Variants in STPG2 observed in about 807,000 individuals in gnomAD.
STPG2 encodes sperm tail PG-rich repeat containing 2, also known as sperm-tail PG-rich repeat-containing protein 2.
STPG2 carries 56 observed loss-of-function variants against 54.2 expected under a neutral mutation model. The observed-to-expected ratio is 1.03, with a 90% CI of 0.83 to 1.29. STPG2 has a LOEUF of 1.29. Among genes scored for constraint, STPG2 ranks in the 50% most tolerant of loss-of-function variants. The pLI, the probability that STPG2 is intolerant of heterozygous loss-of-function variation, is 0.00. For missense variants in STPG2, 596 were observed against 544.9 expected (o/e 1.09, Z -0.93); for synonymous variants, 200 against 181.8 (o/e 1.10, Z -0.81).
At chr4:97,793,427 A>G (rs1727069233) in intron 9 of STPG2, among the ~76,000 whole-genome samples, 1 of 151,818 alleles carries the variant, frequency 6.6e-6, no homozygotes, top group East Asian at 1.9e-4. Context: ...CATATAAATT[A>G]TTAAAGTTAC....
Position 97,565,080 on chromosome 4 carries a change from G to A in STPG2, c.1321-5963C>T, listed in dbSNP as rs1478107289. On this transcript the variant is annotated intron_variant, in intron 10 of 10. Transcript: ENST00000295268. ...TCACTTTCAGGTACACCAATCAGAC[G>A]TAGATTTGGTCTTTTCACATAGTCC... Among the ~76,000 whole-genome samples the A allele has an allele frequency of 5.9e-5, 9 of 152,090 alleles. No individual in the cohort carries two copies. In the South Asian group the frequency reaches 1.2e-3, roughly 21 times the overall value.
chr4:97,609,318 A>G (rs1733677318), intron 10 of STPG2, among the ~76,000 whole-genome samples: 1 of 152,006 alleles, frequency 6.6e-6, no homozygotes, highest in African/African-American at 2.4e-5. Flanking sequence ...TATGTGAAAT[A>G]GAAAGTTCCC....
chr4:97,595,888 A>G (rs989719975), intron 10 of STPG2, among the ~76,000 whole-genome samples: 2 of 152,206 alleles, frequency 1.3e-5, no homozygotes, highest in African/African-American at 4.8e-5. Context: ...AGCTAACAAC[A>G]TGATCACCGA....
chr4:97,684,401 C>G (rs934293953), intron 10 of STPG2, among the ~76,000 whole-genome samples: 2 of 151,840 alleles, frequency 1.3e-5, no homozygotes, highest in Non-Finnish European at 2.9e-5. Flanking sequence ...ATTAATGGAA[C>G]AGAATAGGGA....
intron 8 of STPG2, among the ~76,000 whole-genome samples, chr4:97,881,000 A>G (rs745471413): frequency 1.3e-5 from 2 of 152,094 alleles, no homozygotes; most frequent in Non-Finnish European, 2.9e-5. Flanking sequence ...ACCAATTTTG[A>G]AGAAATAAAA....
At chr4:98,128,251 A>C (rs1295766493) in intron 3 of STPG2, among the ~76,000 whole-genome samples, 177 bp downstream of exon 3, 2 of 152,212 alleles carry the variant, frequency 1.3e-5, no homozygotes, top group African/African-American at 4.8e-5. Flanking sequence ...GAGGAAAAAT[A>C]ATTCTACTGT....
chr4:97,635,041 G>T (rs1290250781), intron 10 of STPG2, among the ~76,000 whole-genome samples: 3 of 152,214 alleles, frequency 2.0e-5, no homozygotes, highest in African/African-American at 7.2e-5. Flanking sequence ...ATAATTGTCA[G>T]ATTCACCAAA....
intron 8 of STPG2, among the ~76,000 whole-genome samples, chr4:97,862,508 C>T (rs1729591088): frequency 6.6e-6 from 1 of 152,090 alleles, no homozygotes. Flanking sequence ...GAGACTTTAA[C>T]ACCCCATGGT....
chr4:97,811,041 T>G (rs899646755), intron 9 of STPG2, among the ~76,000 whole-genome samples: 2 of 152,146 alleles, frequency 1.3e-5, no homozygotes, highest in African/African-American at 4.8e-5. Context: ...TTTGTTTTGG[T>G]TCATCTGTTA....
chr4:97,517,488 C>T (rs1440460934), intron 4 of STPG2, among the ~76,000 whole-genome samples: 2 of 152,092 alleles, frequency 1.3e-5, no homozygotes, highest in Non-Finnish European at 2.9e-5. Flanking sequence ...CAATAAAGTG[C>T]CATAAGAATC....
At chr4:97,851,708 T>G (rs1034225509) in intron 8 of STPG2, among the ~76,000 whole-genome samples, 3 of 152,174 alleles carry the variant, frequency 2.0e-5, no homozygotes, top group Admixed American at 6.5e-5. Flanking sequence ...ACAGAGTGTC[T>G]CCAGGTAGTT....
At chr4:97,681,405 A>T (rs1050159701) in intron 10 of STPG2, among the ~76,000 whole-genome samples, 3 of 151,862 alleles carry the variant, frequency 2.0e-5, no homozygotes, top group Admixed American at 1.3e-4. Flanking sequence ...GGTAGGTATC[A>T]GTGAAGCCTG....
chr4:97,499,772 G>A, intron 4 of STPG2, among the ~76,000 whole-genome samples: 1 of 151,990 alleles, frequency 6.6e-6, no homozygotes. Flanking sequence ...ATAGGTGGAG[G>A]TGGAGATTCC....
At chr4:97,959,434 A>C (rs1358146540) in intron 7 of STPG2, among the ~76,000 whole-genome samples, 1 of 152,056 alleles carries the variant, frequency 6.6e-6, no homozygotes, top group Non-Finnish European at 1.5e-5. Context: ...AAAAAAGATA[A>C]ATAAAATTGA....
At chr4:97,470,032 A>G (rs1729884813) in intron 4 of STPG2, among the ~76,000 whole-genome samples, 1 of 152,154 alleles carries the variant, frequency 6.6e-6, no homozygotes, top group Non-Finnish European at 1.5e-5. Context: ...TCCTTATGTA[A>G]CAGTGAATCC....
intron 4 of STPG2, among the ~76,000 whole-genome samples, chr4:97,452,057 AC>A (rs1729383621): frequency 7.3e-6 from 1 of 136,314 alleles, no homozygotes; most frequent in Non-Finnish European, 1.5e-5. Flanking sequence ...CATTGCAGCT[AC>A]CCAAACTGCA....
chr4:97,854,124 A>G (rs1402069810), intron 8 of STPG2, among the ~76,000 whole-genome samples: 1 of 152,030 alleles, frequency 6.6e-6, no homozygotes, highest in East Asian at 1.9e-4. Flanking sequence ...CTATTCTTAA[A>G]TGATACTCTA....
chr4:97,928,640 G>GTTTTTA (rs1732425322), intron 8 of STPG2, among the ~76,000 whole-genome samples: 1 of 152,046 alleles, frequency 6.6e-6, no homozygotes, highest in African/African-American at 2.4e-5. Context: ...GGTTGTTTTT[G>GTTTTTA]TTTTTATTTT....
intron 5 of STPG2, among the ~76,000 whole-genome samples, chr4:97,996,244 A>G (rs1420561995): frequency 1.3e-5 from 2 of 152,240 alleles, no homozygotes; most frequent in Non-Finnish European, 2.9e-5. Context: ...AGAAGCAGAC[A>G]CATAGACCAA....
Sources: gnomAD v4.1 joint callset for allele counts (sites outside exome capture counted in the v4.1 genomes callset) on GRCh38, gnomAD v4.1.1 for gene constraint, MANE v1.5 for transcripts, NCBI Gene and HGNC (gene_info 2026-07-23, HGNC 2026-07-21) for gene names.